Variants in PDHX observed in about 807,000 individuals in gnomAD.
PDHX encodes pyruvate dehydrogenase protein X component, mitochondrial.
A neutral mutation model predicts 55.3 loss-of-function variants in PDHX; 33 were observed. The observed-to-expected ratio is 0.60, with a 90% confidence interval of 0.45 to 0.80. The LOEUF (loss-of-function observed/expected upper bound fraction) is 0.80, where lower values mean the gene tolerates loss of function less well. Among genes scored for constraint, PDHX ranks in the 30% least tolerant of loss-of-function variants. The pLI, the probability that PDHX is intolerant of heterozygous loss-of-function variation, is 0.00. For synonymous variants in PDHX, 226 were observed against 219.4 expected (o/e 1.03, Z -0.27); for missense variants, 622 against 619.9 (o/e 1.00, Z -0.04).
chr11:34,968,360 T>G (rs1855181287), intron 6 of PDHX, among the ~76,000 whole-genome samples: 1 of 152,314 alleles, frequency 6.6e-6, no homozygotes, highest in South Asian at 2.1e-4. Context: ...CCAAGTACTT[T>G]GCTAACATAA....
intron 3 of PDHX, 109 bp from the exon 4 acceptor site, chr11:34,957,275 T>C: frequency 1.2e-6 from 1 of 808,216 alleles, no homozygotes; most frequent in Admixed American, 2.0e-5. Context: ...AAGCAGCTTT[T>C]AGCTCAAATT....
chr11:34,958,305 C>T (rs7941937), intron 4 of PDHX, among the ~76,000 whole-genome samples: 8,143 of 151,644 alleles, frequency 0.054, 313 homozygotes, highest in African/African-American at 0.11. Context: ...TAGGGGGGGG[C>T]GTGCGGAGGT....
intron 9 of PDHX, among the ~76,000 whole-genome samples, chr11:34,991,994 G>A (rs1313784438): frequency 6.6e-6 from 1 of 150,654 alleles, no homozygotes; most frequent in Non-Finnish European, 1.5e-5. Context: ...AGTTTTATAG[G>A]CAAAATAGAA....
intron 8 of PDHX, among the ~76,000 whole-genome samples, chr11:34,980,348 G>GTTTTTTTTTTTTTTTTTTTTTTTTTT (rs1319243948): frequency 3.3e-5 from 1 of 30,484 alleles, no homozygotes; most frequent in African/African-American, 1.2e-4. Context: ...GTTTAAGATA[G>GTTTTTTTTTTTTTTTTTTTTTTTTTT]TTTCTTTTTT....
At chr11:34,925,855 C>T (rs1242758813) in intron 1 of PDHX, among the ~76,000 whole-genome samples, 2 of 152,120 alleles carry the variant, frequency 1.3e-5, no homozygotes, top group Non-Finnish European at 2.9e-5. Flanking sequence ...GGATTTTGGA[C>T]TTTGAGATTA....
chr11:34,959,697 C>G (rs1854980642), intron 4 of PDHX, among the ~76,000 whole-genome samples: 1 of 151,942 alleles, frequency 6.6e-6, no homozygotes, highest in Admixed American at 6.6e-5. Context: ...ACTCATAAGT[C>G]CAAAATGCTA....
chr11:34,981,358 C>T (rs1386385406), intron 8 of PDHX, among the ~76,000 whole-genome samples: 1 of 152,082 alleles, frequency 6.6e-6, no homozygotes, highest in East Asian at 1.9e-4. Flanking sequence ...GCATAGTATT[C>T]CATGGTGTAT....
intron 7 of PDHX, among the ~76,000 whole-genome samples, chr11:34,975,771 C>G (rs950634608): frequency 6.6e-6 from 1 of 152,130 alleles, no homozygotes; most frequent in Non-Finnish European, 1.5e-5. Flanking sequence ...CTAATGAGCT[C>G]AAGAAAAGTT....
chr11:34,920,366 A>G (rs78982697), intron 1 of PDHX, among the ~76,000 whole-genome samples: 9,479 of 152,252 alleles, frequency 0.062, 948 homozygotes, highest in African/African-American at 0.21. Context: ...TTTGCCTAGT[A>G]TATAATTATA....
At chr11:34,962,372 C>T (rs1855036868) in intron 5 of PDHX, among the ~76,000 whole-genome samples, 1 of 152,002 alleles carries the variant, frequency 6.6e-6, no homozygotes, top group Non-Finnish European at 1.5e-5. Flanking sequence ...GGAGTGTAGG[C>T]CAGAGTAGCA....
At chr11:34,960,819 G>A (rs961173765) in intron 5 of PDHX, among the ~76,000 whole-genome samples, 1 of 152,104 alleles carries the variant, frequency 6.6e-6, no homozygotes. Context: ...TATTAAATAT[G>A]TGAAATCATG....
chr11:34,916,301 C>T (rs1853691874), upstream of PDHX: 1 of 1,611,230 alleles, frequency 6.2e-7, no homozygotes, highest in African/African-American at 1.3e-5. Flanking sequence ...GACCAGGGAC[C>T]CGCGCGGCCT....
intron 1 of PDHX, among the ~76,000 whole-genome samples, chr11:34,926,109 T>G (rs1854013521): frequency 6.6e-6 from 1 of 152,212 alleles, no homozygotes; most frequent in South Asian, 2.1e-4. Context: ...TTTACTCCAG[T>G]ACCACACCAA....
chr11:34,935,705 A>T (rs1854292161), intron 2 of PDHX, among the ~76,000 whole-genome samples: 1 of 152,170 alleles, frequency 6.6e-6, no homozygotes, highest in African/African-American at 2.4e-5. Context: ...ATTAGAGGTG[A>T]CTGAATGAGT....
At chr11:34,970,591 A>G (rs537874814) in intron 7 of PDHX, among the ~76,000 whole-genome samples, 1 of 152,302 alleles carries the variant, frequency 6.6e-6, no homozygotes, top group East Asian at 1.9e-4. Context: ...CAGTTAGTTA[A>G]CATTTATTTA....
At position 34,992,378 on chromosome 11, in the gene PDHX, A is replaced by G; in HGVS notation, c.1246A>G (p.Ser416Gly). ...TGAAGAATACCAAGGAGGATCTTTTAGGTAAAATTTAAACTCTTAATTATC... is the reference window on the plus strand; with the variant it reads ...TGAAGAATACCAAGGAGGATCTTTTGGGTAAAATTTAAACTCTTAATTATC... ...LPEEYQGGSFSISNLGMFGID... is the reference protein window; with the variant it reads ...LPEEYQGGSFGISNLGMFGID... The change falls in exon 10 of 11, where the codon AGT (serine) becomes GGT (glycine). Residue 416 changes from serine to glycine, a missense_variant and splice_region_variant. Physicochemically the swap from Ser to Gly is moderately conservative, Grantham distance 56 (BLOSUM62 0). Transcript: ENST00000227868. 2.6e-6 allele frequency: 4 copies of G among 1,556,366 alleles called. No individual in the cohort carries two copies. The South Asian group carries it at 3.3e-5, about 13-fold the overall frequency.
At chr11:34,916,876 G>T (rs1399794366) in intron 1 of PDHX, 61 bp downstream of exon 1, 1 of 1,472,662 alleles carries the variant, frequency 6.8e-7, no homozygotes, top group Non-Finnish European at 9.3e-7. Context: ...TGGGACAGGG[G>T]CAGTTATGAT....
chr11:34,946,680 A>C (rs538631723), intron 2 of PDHX, among the ~76,000 whole-genome samples: 1 of 152,142 alleles, frequency 6.6e-6, no homozygotes, highest in African/African-American at 2.4e-5. Context: ...TCCTAGACCC[A>C]TGGTTGCTGA....
intron 3 of PDHX, among the ~76,000 whole-genome samples, chr11:34,951,249 C>T (rs1854760728): frequency 2.0e-5 from 3 of 151,660 alleles, no homozygotes. Context: ...TTAGTAGAGA[C>T]GGGGTTTCAC....
Sources: gnomAD v4.1 joint callset for allele counts (sites outside exome capture counted in the v4.1 genomes callset) on GRCh38, gnomAD v4.1.1 for gene constraint, MANE v1.5 for transcripts, NCBI Gene and HGNC (gene_info 2026-07-23, HGNC 2026-07-21) for gene names.